GP6: variants seen among roughly 807,000 people sequenced by gnomAD.
GP6 encodes platelet glycoprotein VI.
A neutral mutation model predicts 37.3 loss-of-function variants in GP6; 45 were observed. That is an observed-to-expected ratio of 1.21 (90% CI 0.95 to 1.55). The LOEUF is 1.55. GP6 is among the 40% of genes most tolerant of loss of function. The pLI is 0.00. For missense variants in GP6, 813 were observed against 760.2 expected (o/e 1.07, Z -0.82); for synonymous variants, 340 against 316.4 (o/e 1.07, Z -0.79).
chr19:55,024,359 CACAT>C (rs753697789), intron 5 of GP6, among the ~76,000 whole-genome samples: 38 of 71,830 alleles, frequency 5.3e-4, no homozygotes, highest in Middle Eastern at 9.3e-3. Context: ...CACGCACACA[CACAT>C]ATGCACGCAC....
At chr19:55,036,067 C>T (rs1301949587) in intron 1 of GP6, among the ~76,000 whole-genome samples, 1 of 142,450 alleles carries the variant, frequency 7.0e-6, no homozygotes, top group East Asian at 2.1e-4. Flanking sequence ...AGCGAGATTC[C>T]GTCTTTAAAA....
At chr19:55,034,372 T>C (rs1351326160) in intron 1 of GP6, among the ~76,000 whole-genome samples, 2 of 151,888 alleles carry the variant, frequency 1.3e-5, no homozygotes, top group East Asian at 1.9e-4. Context: ...CTGGTCAACA[T>C]GGTGAAACAC....
chr19:55,018,468 C>T lies in GP6; in HGVS notation c.724+184G>A, dbSNP rs1654415. On this transcript the variant is annotated intron_variant, in intron 6 of 7. Coordinates refer to ENST00000310373, the MANE Select transcript of GP6 (RefSeq NM_001083899.2). The stretch of plus-strand genomic sequence containing the variant: ...TTTGAAATGGCCCCATCACCCAAAA[C>T]GCTCCTCCTTCTGAACCCCAGAGCT... Among the ~76,000 whole-genome samples the T allele has an allele frequency of 0.76, 116,204 of 152,216 alleles. 45,309 individuals are homozygous for T. Among genetic ancestry groups the T allele is most frequent in the Middle Eastern group, 0.85 (249 of 294 alleles).
Position 55,025,287 on chromosome 19 carries a change from A to G in GP6, c.611-16T>C. On this transcript the variant is annotated splice_polypyrimidine_tract_variant and intron_variant, in intron 4 of 7. Transcript: ENST00000310373. Reference sequence around the variant, plus strand: ...ACAGAGGTTCCTGGGAAATCAGAAAATGAGATAAATCTGTGCTCTGTCGCT... The same window carrying G: ...ACAGAGGTTCCTGGGAAATCAGAAAGTGAGATAAATCTGTGCTCTGTCGCT... The G allele has an allele frequency of 6.6e-7, 1 of 1,516,268 alleles. No individual in the cohort carries two copies. Among genetic ancestry groups the G allele is most frequent in the Non-Finnish European group, 9.0e-7 (1 of 1,114,556 alleles). The allele number at this position is 1,516,268 out of a possible 1,614,324, so 93.9% of individuals were successfully genotyped here. A position where few individuals can be genotyped will look rare whatever the true frequency, so the allele number is the denominator to read the frequency against.
rs1671206 is a variant in GP6 at position 55,032,617 on chromosome 19, A to G, written c.35-79T>C. On this transcript the variant is annotated intron_variant, in intron 1 of 7. Transcript: ENST00000310373. ...TGCCTGCTGGGCGCGGTGATAAGAC[A>G]TTTGCATGCATATGCTTTACTCTGT... 1,305 of 1,363,092 alleles carry G rather than the reference A, an allele frequency of 9.6e-4. 14 individuals carry two copies. In the African/African-American group the frequency reaches 0.016, roughly 17 times the overall value. 84.4% of individuals were successfully genotyped at this position (1,363,092 alleles called of 1,614,324 possible).
In GP6 at chr19:55,027,652, C is replaced by G. The variant is rs751979972; in HGVS notation, c.536G>C (p.Arg179Pro). The change falls in exon 4 of 8, where the codon CGA (arginine) becomes CCA (proline). Residue 179 changes from arginine to proline, a missense_variant. By Grantham distance (103) the Arg-to-Pro change is moderately radical. Coordinates refer to ENST00000310373, the MANE Select transcript of GP6 (RefSeq NM_001083899.2). The stretch of plus-strand genomic sequence containing the variant: ...GTCCCTGCTGGAGAAGCTGTAGCAT[C>G]GGTAGGTTCCGCTGTGGGCGGCGGT... 1 of 1,612,646 alleles carries G rather than the reference C, an allele frequency of 6.2e-7. No individual in the cohort carries two copies.
intron 5 of GP6, among the ~76,000 whole-genome samples, chr19:55,022,810 A>G (rs998291915): frequency 2.0e-5 from 3 of 152,256 alleles, no homozygotes; most frequent in African/African-American, 4.8e-5. Context: ...AAGGAAAGTG[A>G]AGGACATCTT....
rs142861268 is a variant in GP6, at chr19:55,021,163, A to G, written c.665-2452T>C. ...CACCTGAGGTCAGAAGTTTGAGACC[A>G]GCATGACCAACAAGGTAAAACCCCA... On this transcript the variant is annotated intron_variant, in intron 5 of 7. Coordinates refer to ENST00000310373, the MANE Select transcript of GP6 (RefSeq NM_001083899.2). 7.6e-3 allele frequency among the ~76,000 whole-genome samples: 1,136 copies of G among 149,218 alleles called. 13 individuals are homozygous for G. Among genetic ancestry groups the G allele is most frequent in the African/African-American group, 0.026 (1,071 of 40,576 alleles).
intron 5 of GP6, among the ~76,000 whole-genome samples, chr19:55,022,209 A>G (rs560765370): frequency 5.9e-5 from 9 of 152,316 alleles, no homozygotes; most frequent in African/African-American, 1.9e-4. Flanking sequence ...CGTTTTTGTC[A>G]TGAAATCTTT....
At chr19:55,025,705 G>A (rs1568617068) in intron 4 of GP6, among the ~76,000 whole-genome samples, 3 of 139,964 alleles carry the variant, frequency 2.1e-5, no homozygotes, top group Non-Finnish European at 3.1e-5. Flanking sequence ...GACTCCATCT[G>A]AAAAAAAAAG....
chr19:55,038,057 C>T (rs1003820542), intron 1 of GP6, 146 bp downstream of exon 1: 7 of 733,926 alleles, frequency 9.5e-6, no homozygotes, highest in South Asian at 5.9e-5. Flanking sequence ...GCTGGCCCCC[C>T]GTTTCCCCAC....
rs754904771 is a variant in GP6, at chr19:55,014,509, G to A, written c.1436C>T (p.Pro479Leu). 6 of 1,614,026 alleles carry A rather than the reference G, an allele frequency of 3.7e-6. No homozygotes were observed. In the Admixed American group the frequency reaches 8.3e-5, roughly 22 times the overall value. Residue 479 changes from proline (P) to leucine (L), a missense_variant, in exon 8 of 8, where the codon CCT (proline) becomes CTT (leucine). Pro to Leu is a moderately conservative substitution (Grantham distance 98). Coordinates refer to ENST00000310373, the MANE Select transcript of GP6 (RefSeq NM_001083899.2). Reference sequence around the variant, plus strand: ...GGGGAAAACCAGACAAGAGCACAGAGGGCCAAAGGGAAGCACGGGAGGATT... The same window carrying A: ...GGGGAAAACCAGACAAGAGCACAGAAGGCCAAAGGGAAGCACGGGAGGATT...
chr19:55,038,149 TG>T (rs2074907861), intron 1 of GP6, 53 bp downstream of exon 1: 2 of 1,389,792 alleles, frequency 1.4e-6, no homozygotes, highest in Non-Finnish European at 1.0e-6. Flanking sequence ...ATCCTTTGTC[TG>T]GCAGTCCATG....
intron 1 of GP6, 55 bp downstream of exon 1, chr19:55,038,148 C>T (rs1373892983): frequency 1.4e-6 from 2 of 1,382,206 alleles, no homozygotes; most frequent in Non-Finnish European, 2.0e-6. Flanking sequence ...AATCCTTTGT[C>T]TGGCAGTCCA....
In GP6 at chr19:55,014,785, G is replaced by A. The variant is rs199813278; in HGVS notation, c.1160C>T (p.Ser387Phe). 6 of 1,613,786 alleles carry A rather than the reference G, an allele frequency of 3.7e-6. No homozygotes were observed. Among genetic ancestry groups the A allele is most frequent in the Non-Finnish European group, 5.1e-6 (6 of 1,179,872 alleles). Residue 387 changes from serine to phenylalanine, a missense_variant, in exon 8 of 8, where the codon TCC (serine) becomes TTC (phenylalanine). Ser to Phe is a radical substitution (Grantham distance 155, BLOSUM62 -2). Transcript: ENST00000310373. ...GAACGGCTCCCTGATGGAACACCAG[G>A]AGGAGGCAGCATGGCCTCGTTTCCA...
At chr19:55,033,702 G>A (rs989328331) in intron 1 of GP6, among the ~76,000 whole-genome samples, 4 of 152,064 alleles carry the variant, frequency 2.6e-5, no homozygotes, top group African/African-American at 9.7e-5. Flanking sequence ...GACAAGTATT[G>A]TAAATACTAT....
intron 5 of GP6, among the ~76,000 whole-genome samples, chr19:55,023,805 G>T (rs1433961793): frequency 6.6e-6 from 1 of 152,164 alleles, no homozygotes; most frequent in Non-Finnish European, 1.5e-5. Flanking sequence ...GGGCCTCAGG[G>T]GCATTGCACT....
chr19:55,023,229 A>G (rs540279660), intron 5 of GP6, among the ~76,000 whole-genome samples: 9 of 152,316 alleles, frequency 5.9e-5, no homozygotes, highest in African/African-American at 2.2e-4. Context: ...ATCTTCAACA[A>G]ACCTGACAAA....
chr19:55,014,052 A>T lies in GP6; in HGVS notation c.*30T>A. On this transcript the variant is annotated 3_prime_UTR_variant, in exon 8 of 8. Coordinates refer to ENST00000310373, the MANE Select transcript of GP6 (RefSeq NM_001083899.2). ...ACATATTTATGGGGTGGACAGCAAT[A>T]TTGCAGTACATGTATACAACGTGCT... 5.0e-6 allele frequency: 3 copies of T among 596,688 alleles called. No homozygotes were observed. Among genetic ancestry groups the T allele is most frequent in the Non-Finnish European group, 9.4e-6 (3 of 317,696 alleles). The allele number at this position is 596,688 out of a possible 1,614,324, so 37.0% of individuals were successfully genotyped here. A position where few individuals can be genotyped will look rare whatever the true frequency, so the allele number is the denominator to read the frequency against.
Sources: gnomAD v4.1 joint callset for allele counts (sites outside exome capture counted in the v4.1 genomes callset) on GRCh38, gnomAD v4.1.1 for gene constraint, MANE v1.5 for transcripts, NCBI Gene and HGNC (gene_info 2026-07-23, HGNC 2026-07-21) for gene names.